The following IQSEC2 variants were observed in gnomAD, a reference collection of about 807,000 sequenced individuals.
The protein encoded by IQSEC2 is IQ motif and SEC7 domain-containing protein 2.
IQSEC2 carries 6 observed loss-of-function variants against 74.6 expected under a neutral mutation model. That is an observed-to-expected ratio of 0.08 (90% CI 0.04 to 0.16). The LOEUF (loss-of-function observed/expected upper bound fraction) is 0.16, where lower values mean the gene tolerates loss of function less well. IQSEC2 is among the 10% of genes least tolerant of loss of function. The pLI is 1.00. For synonymous variants in IQSEC2, 494 were observed against 544.5 expected (o/e 0.91, Z 1.29); for missense variants, 734 against 1,306.2 (o/e 0.56, Z 6.75).
At chrX:53,274,457 T>C (rs1327189962) in intron 2 of IQSEC2, among the ~76,000 whole-genome samples, 1 of 66,329 alleles carries the variant, frequency 1.5e-5, no homozygotes, top group Non-Finnish European at 2.9e-5. Flanking sequence ...CATTTCTTTT[T>C]TTTTTTTTTT....
At chrX:53,243,586 A>G (rs1556861434) in intron 8 of IQSEC2, 115 bp from the exon 9 acceptor site, 14 of 998,435 alleles carry the variant, frequency 1.4e-5, no homozygotes, top group East Asian at 3.6e-5. Context: ...CTGAGGGTCA[A>G]TGGGTACCCT....
At chrX:53,308,864 G>A (rs782008791) in intron 1 of IQSEC2, among the ~76,000 whole-genome samples, 5 of 110,369 alleles carry the variant, frequency 4.5e-5, no homozygotes, top group South Asian at 3.9e-4. Context: ...CTGGAAGACC[G>A]AAGGATGAGG....
chrX:53,239,628 C>T (rs1341339590), intron 10 of IQSEC2: 19 of 254,261 alleles, frequency 7.5e-5, no homozygotes, highest in Non-Finnish European at 1.3e-4. Context: ...TGATTCAGTG[C>T]CTTTCCCTTG....
At chrX:53,305,170 C>T (rs781789447) in intron 1 of IQSEC2, among the ~76,000 whole-genome samples, 7 of 109,353 alleles carry the variant, frequency 6.4e-5, no homozygotes, top group Non-Finnish European at 1.3e-4. Flanking sequence ...CCACCTGCCT[C>T]AGCCTCCCAA....
intron 2 of IQSEC2, chrX:53,281,479 G>A (rs901542968): frequency 9.9e-6 from 10 of 1,013,837 alleles, no homozygotes; most frequent in Admixed American, 5.3e-5. Flanking sequence ...GCCAGGCTGC[G>A]GGGCCCAGGT....
At chrX:53,266,723 T>G in intron 2 of IQSEC2, 32 of 904,944 alleles carry the variant, frequency 3.5e-5, no homozygotes, top group East Asian at 6.6e-5. Context: ...TTCTCCCACA[T>G]TTTAGTCGGA....
intron 1 of IQSEC2, among the ~76,000 whole-genome samples, chrX:53,304,794 C>T (rs2075244482): frequency 9.0e-6 from 1 of 111,631 alleles, no homozygotes; most frequent in South Asian, 3.8e-4. Context: ...CCTCATGCTC[C>T]TTTCAATCAT....
Position 53,250,335 on chromosome X carries a change from G to A in IQSEC2, c.2241C>T (p.Phe747=). ...ETRHSWDSPA[F]NNDVVQRRHY... is the part of the protein sequence containing the mutation. ...GCCGCCTCTGGACCACATCATTGTT[G>A]AAAGCTGGCGAGTCCCAGCTATGCC... Residue 747 remains phenylalanine (F), a synonymous_variant, in exon 5 of 15, where the codon TTC becomes TTT. Coordinates refer to ENST00000642864, the MANE Select transcript of IQSEC2 (RefSeq NM_001111125.3). 1.7e-6 allele frequency: 2 copies of A among 1,211,623 alleles called. No individual in the cohort carries two copies. The highest frequency in any genetic ancestry group is 1.8e-5 in the South Asian group (1 of 56,978).
intron 1 of IQSEC2, among the ~76,000 whole-genome samples, chrX:53,319,389 G>A (rs1569340945): frequency 8.9e-6 from 1 of 111,865 alleles, no homozygotes; most frequent in Admixed American, 9.5e-5. Context: ...AAAAAGATAC[G>A]GGGGAACTGA....
At chrX:53,289,163 C>A (rs1357072675) in intron 2 of IQSEC2, among the ~76,000 whole-genome samples, 1 of 33,456 alleles carries the variant, frequency 3.0e-5, no homozygotes, top group East Asian at 1.0e-3. Flanking sequence ...CCTAGCCCTT[C>A]CCCCTCCACA....
chrX:53,251,340 C>T (rs782606346), intron 4 of IQSEC2, among the ~76,000 whole-genome samples, 166 bp from the exon 5 acceptor site: 37 of 110,452 alleles, frequency 3.3e-4, no homozygotes, highest in Non-Finnish European at 6.5e-4. Flanking sequence ...CTGACAGGCT[C>T]TCTGTGGTCT....
At chrX:53,268,550 C>A (rs2074693900) in intron 2 of IQSEC2, among the ~76,000 whole-genome samples, 1 of 111,573 alleles carries the variant, frequency 9.0e-6, no homozygotes, top group Admixed American at 9.5e-5. Flanking sequence ...ACTGCTCACT[C>A]CCCTCTTTTC....
chrX:53,278,983 C>G (rs1234945375), intron 2 of IQSEC2, among the ~76,000 whole-genome samples: 1 of 111,839 alleles, frequency 8.9e-6, no homozygotes, highest in Non-Finnish European at 1.9e-5. Context: ...CGAGACCAGC[C>G]TGGCCAACAT....
intron 2 of IQSEC2, among the ~76,000 whole-genome samples, chrX:53,288,966 AC>A (rs1319061682): frequency 2.0e-5 from 2 of 98,917 alleles, no homozygotes; most frequent in Non-Finnish European, 4.1e-5. Flanking sequence ...CCTACCCCCC[AC>A]CCCCATCACC....
At chrX:53,228,547 C>T (rs2074051965), downstream of IQSEC2, among the ~76,000 whole-genome samples, 1 of 111,945 alleles carries the variant, frequency 8.9e-6, no homozygotes, top group South Asian at 3.7e-4. Flanking sequence ...CTGGAAGGCT[C>T]GTCTGGGCTC....
At chrX:53,294,301 C>T (rs1248828396) in intron 1 of IQSEC2, among the ~76,000 whole-genome samples, 2 of 112,674 alleles carry the variant, frequency 1.8e-5, no homozygotes, top group African/African-American at 6.4e-5. Flanking sequence ...TTCTTACTAG[C>T]TTGAGGGTAC....
At chrX:53,277,356 C>T (rs1375328261) in intron 2 of IQSEC2, among the ~76,000 whole-genome samples, 17 of 110,075 alleles carry the variant, frequency 1.5e-4, no homozygotes, top group South Asian at 7.9e-4. Flanking sequence ...GGATTACAGG[C>T]GCCTGCCACC....
chrX:53,248,994 G>A (rs1245341171), intron 5 of IQSEC2, 112 bp from the exon 6 acceptor site: 1 of 715,650 alleles, frequency 1.4e-6, no homozygotes, highest in Non-Finnish European at 2.1e-6. Context: ...GAGGACCAAC[G>A]AAGTCAAATA....
intron 2 of IQSEC2, among the ~76,000 whole-genome samples, chrX:53,283,664 C>A (rs1330957851): frequency 9.0e-6 from 1 of 111,686 alleles, no homozygotes; most frequent in African/African-American, 3.3e-5. Context: ...GATGACCCAC[C>A]AGAGGCTGAA....
Sources: gnomAD v4.1 joint callset for allele counts (sites outside exome capture counted in the v4.1 genomes callset) on GRCh38, gnomAD v4.1.1 for gene constraint, MANE v1.5 for transcripts, NCBI Gene and HGNC (gene_info 2026-07-23, HGNC 2026-07-21) for gene names.